SCTR: variants seen among roughly 807,000 people sequenced by gnomAD.
SCTR encodes the protein pancreatic secretin receptor.
In SCTR, 56 loss-of-function variants were observed where a neutral mutation model predicts 60.8. The observed-to-expected ratio is 0.92, with a 90% CI of 0.74 to 1.15. The LOEUF (loss-of-function observed/expected upper bound fraction) is 1.15, where lower values mean the gene tolerates loss of function less well. Among genes scored for constraint, SCTR ranks in the 50% most tolerant of loss-of-function variants. The probability of loss-of-function intolerance (pLI) is 0.00; values close to 1 mark genes in which losing one functional copy is unlikely to be tolerated. For synonymous variants in SCTR, 202 were observed against 217.0 expected, an observed-to-expected ratio of 0.93 and a Z score of 0.61; for missense variants, 562 against 550.4, an observed-to-expected ratio of 1.02 and a Z score of -0.21.
intron 9 of SCTR, among the ~76,000 whole-genome samples, chr2:119,450,773 C>A (rs1426650063): frequency 6.6e-6 from 1 of 152,178 alleles, no homozygotes; most frequent in East Asian, 1.9e-4. Context: ...AATTCAAGAC[C>A]AGCCTGGGCA....
At chr2:119,512,885 C>T (rs533893373) in intron 1 of SCTR, among the ~76,000 whole-genome samples, 5 of 152,246 alleles carry the variant, frequency 3.3e-5, no homozygotes, top group African/African-American at 4.8e-5. Flanking sequence ...ATTAGTTGTA[C>T]GTCTTAAGTT....
Position 119,494,562 on chromosome 2 carries a change from A to C in SCTR, c.73-14T>G, listed in dbSNP as rs1678274788. 1 of 1,613,104 alleles carries C rather than the reference A, an allele frequency of 6.2e-7. No individual in the cohort carries two copies. ...AAGGGCTCCAGTCTGCAAGTCCAAA[A>C]CCAGGGATGCTCATCATTGCCACTA... On this transcript the variant is annotated splice_polypyrimidine_tract_variant and intron_variant, in intron 1 of 12. Transcript: ENST00000019103.
chr2:119,452,933 T>TCCAGGAGGGAGATC (rs1200181338), intron 8 of SCTR, among the ~76,000 whole-genome samples: 5 of 152,096 alleles, frequency 3.3e-5, no homozygotes, highest in South Asian at 2.1e-4. Flanking sequence ...TAGAGAGGCA[T>TCCAGGAGGGAGATC]CCAGGAGGGA....
At chr2:119,493,157 A>T (rs1438525763) in intron 2 of SCTR, among the ~76,000 whole-genome samples, 1 of 152,220 alleles carries the variant, frequency 6.6e-6, no homozygotes, top group Admixed American at 6.5e-5. Flanking sequence ...GCACCCAGCC[A>T]CAATGTGTGT....
At chr2:119,459,333 G>A (rs1281318904) in intron 7 of SCTR, among the ~76,000 whole-genome samples, 1 of 151,874 alleles carries the variant, frequency 6.6e-6, no homozygotes, top group Non-Finnish European at 1.5e-5. Context: ...AGCTATGTGA[G>A]GAAAAACTGC....
At chr2:119,460,836 A>G (rs143917805) in intron 7 of SCTR, among the ~76,000 whole-genome samples, 78 of 152,340 alleles carry the variant, frequency 5.1e-4, no homozygotes, top group African/African-American at 1.8e-3. Context: ...TGGTTTGAGT[A>G]GCTAAGGCCA....
intron 2 of SCTR, among the ~76,000 whole-genome samples, chr2:119,483,664 G>A (rs557741017): frequency 5.3e-5 from 8 of 152,316 alleles, no homozygotes; most frequent in Admixed American, 6.5e-5. Context: ...TAAAGAAAAT[G>A]TGTATTAGAA....
chr2:119,503,623 G>A (rs1272870907), intron 1 of SCTR, among the ~76,000 whole-genome samples: 1 of 152,100 alleles, frequency 6.6e-6, no homozygotes, highest in African/African-American at 2.4e-5. Flanking sequence ...GTTGCCAGGG[G>A]ACAATAGGGA....
At chr2:119,497,755 G>C (rs1487327448) in intron 1 of SCTR, among the ~76,000 whole-genome samples, 1 of 152,138 alleles carries the variant, frequency 6.6e-6, no homozygotes. Flanking sequence ...GAATGATGGT[G>C]ATGGAAGGAA....
chr2:119,457,328 T>A (rs1453394185), intron 7 of SCTR, among the ~76,000 whole-genome samples: 1 of 152,198 alleles, frequency 6.6e-6, no homozygotes, highest in African/African-American at 2.4e-5. Flanking sequence ...AAACACTATT[T>A]ACATAGATAT....
chr2:119,464,430 C>G (rs1354410874), intron 5 of SCTR, among the ~76,000 whole-genome samples, 175 bp from the exon 6 acceptor site: 3 of 147,820 alleles, frequency 2.0e-5, no homozygotes, highest in Non-Finnish European at 4.4e-5. Flanking sequence ...GGTGGCCAGT[C>G]TAATTTGCTA....
rs925598750 is a variant in SCTR, at chr2:119,524,293, C to T, written c.-67G>A. ...CCCGTGCCCTCTGCCCGCTCGGGAGCTCAGCGCCCCGCGCAGGGTCCCGGG... is the reference window on the plus strand; with the variant it reads ...CCCGTGCCCTCTGCCCGCTCGGGAGTTCAGCGCCCCGCGCAGGGTCCCGGG... On this transcript the variant is annotated 5_prime_UTR_variant, in exon 1 of 13. Transcript: ENST00000019103. 483 of 1,105,162 alleles carry T rather than the reference C, an allele frequency of 4.4e-4. 4 individuals are homozygous for T. In the East Asian group the frequency reaches 0.016, roughly 36 times the overall value. 68.5% of individuals were successfully genotyped at this position (1,105,162 alleles called of 1,614,324 possible).
chr2:119,450,630 T>C (rs1247328402), intron 9 of SCTR, among the ~76,000 whole-genome samples: 1 of 152,136 alleles, frequency 6.6e-6, no homozygotes, highest in Non-Finnish European at 1.5e-5. Flanking sequence ...TCATAACATA[T>C]ATGTAGCTGG....
chr2:119,507,892 T>G (rs1678798286), intron 1 of SCTR, among the ~76,000 whole-genome samples: 1 of 152,076 alleles, frequency 6.6e-6, no homozygotes, highest in Non-Finnish European at 1.5e-5. Flanking sequence ...TTGGCCAGGA[T>G]GATCTTGATC....
At chr2:119,461,711 CAAA>C (rs539293803) in intron 7 of SCTR, 133 bp downstream of exon 7, 21,199 of 290,558 alleles carry the variant, frequency 0.073, 98 homozygotes, top group South Asian at 0.091. Context: ...AACTCCAACT[CAAA>C]AAAAAAAAAA....
At chr2:119,492,648 A>G (rs1422486299) in intron 2 of SCTR, among the ~76,000 whole-genome samples, 1 of 152,092 alleles carries the variant, frequency 6.6e-6, no homozygotes, top group Non-Finnish European at 1.5e-5. Context: ...CATCACCTCT[A>G]TCTAGTTCTA....
chr2:119,470,702 TG>T (rs1188967983), intron 4 of SCTR, among the ~76,000 whole-genome samples: 2 of 152,040 alleles, frequency 1.3e-5, no homozygotes, highest in African/African-American at 4.8e-5. Context: ...ATTGTGTGGA[TG>T]TTTTTTCCTA....
chr2:119,511,231 T>C lies in SCTR; in HGVS notation c.72+12924A>G, dbSNP rs143126149. ...CCGTCTCAAAAAAAAAAAATTATAT[T>C]CTTTTACTGTTGTTATTTCTTGGTT... On this transcript the variant is annotated intron_variant, in intron 1 of 12. Transcript: ENST00000019103. 5.3e-5 allele frequency among the ~76,000 whole-genome samples: 8 copies of C among 152,126 alleles called. No homozygotes were observed. The East Asian group carries it at 1.5e-3, about 29-fold the overall frequency.
At chr2:119,507,020 G>C (rs534023116) in intron 1 of SCTR, among the ~76,000 whole-genome samples, 1 of 152,118 alleles carries the variant, frequency 6.6e-6, no homozygotes, top group East Asian at 1.9e-4. Context: ...CTGGGCAAAA[G>C]TTACAAGAGA....
Sources: allele counts gnomAD v4.1 joint callset (sites outside exome capture counted in the v4.1 genomes callset), GRCh38; gene constraint gnomAD v4.1.1; transcripts MANE v1.5; gene names NCBI Gene and HGNC (gene_info 2026-07-23, HGNC 2026-07-21).